The following PDSS2 variants were observed in gnomAD, a reference collection of about 807,000 sequenced individuals.
PDSS2 encodes all trans-polyprenyl-diphosphate synthase PDSS2.
In PDSS2, 31 loss-of-function variants were observed where a neutral mutation model predicts 44.5. The observed-to-expected ratio is 0.70, with a 90% CI of 0.52 to 0.94. The LOEUF (loss-of-function observed/expected upper bound fraction) is 0.94. Among genes scored for constraint, PDSS2 ranks in the 40% least tolerant of loss-of-function variants. The probability of loss-of-function intolerance (pLI) is 0.00; values close to 1 mark genes in which losing one functional copy is unlikely to be tolerated. For missense variants in PDSS2, 452 were observed against 482.2 expected, an observed-to-expected ratio of 0.94 and a Z score of 0.59; for synonymous variants, 157 against 180.3, an observed-to-expected ratio of 0.87 and a Z score of 1.03.
intron 4 of PDSS2, among the ~76,000 whole-genome samples, chr6:107,226,819 G>A (rs1435740819): frequency 6.6e-6 from 1 of 151,188 alleles, no homozygotes; most frequent in Non-Finnish European, 1.5e-5. Context: ...ACAGGTGTGT[G>A]CCACCATGCC....
intron 2 of PDSS2, among the ~76,000 whole-genome samples, chr6:107,311,106 T>C (rs191191889): frequency 3.2e-4 from 48 of 151,560 alleles, no homozygotes; most frequent in Admixed American, 1.1e-3. Context: ...TTAGTAGAGA[T>C]AGGGTTTCAT....
chr6:107,274,258 A>G, intron 2 of PDSS2, 31 bp from the exon 3 acceptor site: 2 of 1,503,308 alleles, frequency 1.3e-6, no homozygotes, highest in Non-Finnish European at 9.3e-7. Context: ...TTGTTAGAAT[A>G]TCAAGAACAC....
At chr6:107,315,871 A>ACAAG (rs1777182574) in intron 2 of PDSS2, among the ~76,000 whole-genome samples, 1 of 152,202 alleles carries the variant, frequency 6.6e-6, no homozygotes, top group Non-Finnish European at 1.5e-5. Flanking sequence ...AGGTGGGCGA[A>ACAAG]CAAGTGAGAG....
Position 107,193,819 on chromosome 6 carries a change from T to C in PDSS2, c.1041+3A>G. The C allele has an allele frequency of 6.5e-7, 1 of 1,539,816 alleles. No individual in the cohort carries two copies. Among genetic ancestry groups the C allele is most frequent in the Non-Finnish European group, 9.0e-7 (1 of 1,112,218 alleles). On this transcript the variant is annotated splice_donor_region_variant and intron_variant, in intron 7 of 7. Coordinates refer to ENST00000369037, the MANE Select transcript of PDSS2 (RefSeq NM_020381.4). ...TAGTACAGTATGTATAAAATCTGCC[T>C]ACCTTAGCATAGTCCAATCTTCCTT...
intron 1 of PDSS2, among the ~76,000 whole-genome samples, chr6:107,414,987 C>T (rs575606045): frequency 5.9e-5 from 9 of 152,248 alleles, no homozygotes; most frequent in African/African-American, 1.9e-4. Flanking sequence ...ATCATAGAAT[C>T]TCAACTCAAT....
At chr6:107,304,651 A>G (rs1776800235) in intron 2 of PDSS2, among the ~76,000 whole-genome samples, 1 of 152,248 alleles carries the variant, frequency 6.6e-6, no homozygotes, top group African/African-American at 2.4e-5. Flanking sequence ...AAATTACTGT[A>G]TATCTAGTCC....
chr6:107,376,524 A>G (rs1466718010), intron 1 of PDSS2, among the ~76,000 whole-genome samples: 2 of 152,164 alleles, frequency 1.3e-5, no homozygotes, highest in Non-Finnish European at 2.9e-5. Flanking sequence ...CTTTGAAGCA[A>G]TTGTGAATGG....
intron 3 of PDSS2, among the ~76,000 whole-genome samples, chr6:107,246,219 T>G (rs1042322228): frequency 3.2e-5 from 3 of 93,264 alleles, no homozygotes; most frequent in African/African-American, 4.9e-5. Context: ...AGGCTGAGAC[T>G]TTTTTTTTTT....
At chr6:107,224,174 G>A (rs1773709231) in intron 4 of PDSS2, among the ~76,000 whole-genome samples, 1 of 151,386 alleles carries the variant, frequency 6.6e-6, no homozygotes, top group South Asian at 2.1e-4. Context: ...AACAATATGA[G>A]CTGCTCAAAA....
intron 2 of PDSS2, among the ~76,000 whole-genome samples, chr6:107,323,391 A>G (rs1454655617): frequency 6.6e-6 from 1 of 152,176 alleles, no homozygotes; most frequent in Non-Finnish European, 1.5e-5. Flanking sequence ...CTTATTCTGG[A>G]CCACAGGATA....
intron 1 of PDSS2, among the ~76,000 whole-genome samples, chr6:107,351,224 T>C (rs1255000526): frequency 6.6e-6 from 1 of 152,222 alleles, no homozygotes; most frequent in Non-Finnish European, 1.5e-5. Context: ...ATTTCAGATA[T>C]GAATAACAGA....
At chr6:107,436,071 A>G (rs1781341501) in intron 1 of PDSS2, among the ~76,000 whole-genome samples, 1 of 152,240 alleles carries the variant, frequency 6.6e-6, no homozygotes, top group Admixed American at 6.5e-5. Context: ...AATCAGAAAC[A>G]ACTATCTGAT....
intron 2 of PDSS2, among the ~76,000 whole-genome samples, chr6:107,283,769 ACGCCTGTAATCC>A (rs1776049727): frequency 6.6e-6 from 1 of 151,980 alleles, no homozygotes. Context: ...GTGGTGGCTC[ACGCCTGTAATCC>A]CAGCACTTTG....
chr6:107,289,389 A>G (rs1776270897), intron 2 of PDSS2, among the ~76,000 whole-genome samples: 1 of 145,864 alleles, frequency 6.9e-6, no homozygotes, highest in South Asian at 2.2e-4. Flanking sequence ...AAAAAAAAGA[A>G]AGAAAGAAAA....
intron 2 of PDSS2, among the ~76,000 whole-genome samples, chr6:107,274,684 T>G (rs994017120): frequency 4.7e-5 from 7 of 149,944 alleles, no homozygotes; most frequent in Admixed American, 2.7e-4. Context: ...TTTTTTTTTT[T>G]TTTGTTTAGA....
chr6:107,194,937 G>C (rs1014903940), intron 6 of PDSS2, among the ~76,000 whole-genome samples: 70 of 151,770 alleles, frequency 4.6e-4, no homozygotes, highest in African/African-American at 1.6e-3. Context: ...CTGAGTGACA[G>C]AGCAAGACTC....
At chr6:107,340,127 T>C (rs1419816315) in intron 1 of PDSS2, among the ~76,000 whole-genome samples, 1 of 152,138 alleles carries the variant, frequency 6.6e-6, no homozygotes, top group East Asian at 1.9e-4. Context: ...CAAAAAGATG[T>C]TGCATACTAC....
At chr6:107,386,628 T>G (rs1386321401) in intron 1 of PDSS2, among the ~76,000 whole-genome samples, 2 of 152,164 alleles carry the variant, frequency 1.3e-5, no homozygotes, top group African/African-American at 4.8e-5. Flanking sequence ...AAGAACAAAG[T>G]AGGGCCAATC....
At chr6:107,296,591 G>T (rs1022559196) in intron 2 of PDSS2, among the ~76,000 whole-genome samples, 4 of 152,252 alleles carry the variant, frequency 2.6e-5, no homozygotes, top group African/African-American at 9.6e-5. Flanking sequence ...GCTGGGCGTG[G>T]TGGCAGGAGC....
Sources: gnomAD v4.1 joint callset for allele counts (sites outside exome capture counted in the v4.1 genomes callset) on GRCh38, gnomAD v4.1.1 for gene constraint, MANE v1.5 for transcripts, NCBI Gene and HGNC (gene_info 2026-07-23, HGNC 2026-07-21) for gene names.